The following SAMD4B variants were observed in gnomAD, a reference collection of about 807,000 sequenced individuals.
SAMD4B encodes the protein sterile alpha motif domain containing 4B.
In SAMD4B, 5 loss-of-function variants were observed where a neutral mutation model predicts 74.5. The observed-to-expected ratio is 0.07, with a 90% CI of 0.04 to 0.14. SAMD4B has a LOEUF of 0.14. Among genes scored for constraint, SAMD4B ranks in the 10% least tolerant of loss-of-function variants. The probability of loss-of-function intolerance (pLI) is 1.00; values close to 1 mark genes in which losing one functional copy is unlikely to be tolerated. For synonymous variants in SAMD4B, 373 were observed against 374.9 expected, an observed-to-expected ratio of 1.00 and a Z score of 0.06; for missense variants, 608 against 921.8, an observed-to-expected ratio of 0.66 and a Z score of 4.41.
rs781708201 is a variant in SAMD4B at position 39,383,459 on chromosome 19, A to G, written c.2057-40A>G. 1.2e-6 allele frequency: 2 copies of G among 1,609,810 alleles called. No homozygotes were observed. Among genetic ancestry groups the G allele is most frequent in the Non-Finnish European group, 1.7e-6 (2 of 1,176,126 alleles). On this transcript the variant is annotated intron_variant, in intron 13 of 13. Transcript: ENST00000610417. The surrounding 1 kb of genome is among the most constrained non-coding windows in gnomAD (Gnocchi z 4.1). ...AGTGCCTTTTCTTGGGCCTCCCTCC[A>G]GCTCCTGATCTTCCTCCCTTCCTCC...
In SAMD4B at chr19:39,380,070, C is replaced by T. The variant is rs2077863824; in HGVS notation, c.1635C>T (p.Tyr545=). The T allele has an allele frequency of 1.2e-6, 2 of 1,613,272 alleles. No homozygotes were observed. Among genetic ancestry groups the T allele is most frequent in the East Asian group, 2.2e-5 (1 of 44,880 alleles). The change falls in exon 10 of 14, where the codon TAC becomes TAT. Residue 545 remains tyrosine, a synonymous_variant. Transcript: ENST00000610417. ...AAGCCGCACTAGAGATGCAGAACTA[C>T]CGGCAGCAGAAAGGGTAGGCGGGTG... The part of the protein sequence containing the change: ...PRKAALEMQN[Y]RQQKGWAFGS...
intron 3 of SAMD4B, among the ~76,000 whole-genome samples, chr19:39,365,730 G>A (rs2076924523): frequency 6.6e-6 from 1 of 152,214 alleles, no homozygotes; most frequent in South Asian, 2.1e-4. Flanking sequence ...TTTTAGCATA[G>A]TGTCTGGCAC....
chr19:39,382,404 A>G lies in SAMD4B; in HGVS notation c.1973-804A>G, dbSNP rs180846195. Among the ~76,000 whole-genome samples, 23 of 152,302 alleles carry G rather than the reference A, an allele frequency of 1.5e-4. No homozygotes were observed. In the East Asian group the frequency reaches 3.7e-3, roughly 24 times the overall value. On this transcript the variant is annotated intron_variant, in intron 12 of 13. Coordinates refer to ENST00000610417, the MANE Select transcript of SAMD4B (RefSeq NM_001384574.2). ...CGCTGATGTTATTCATCAGTCAGCAATCTGAGACAGGTCTTGCCCAAGTTC... is the reference window on the plus strand; with the variant it reads ...CGCTGATGTTATTCATCAGTCAGCAGTCTGAGACAGGTCTTGCCCAAGTTC...
chr19:39,353,379 C>A (rs890557480), intron 1 of SAMD4B, among the ~76,000 whole-genome samples: 2 of 152,172 alleles, frequency 1.3e-5, no homozygotes, highest in Admixed American at 1.3e-4. Context: ...TGTTAATAAT[C>A]CCCCTGTTTC....
chr19:39,360,984 G>A (rs1054716918), intron 3 of SAMD4B, among the ~76,000 whole-genome samples: 5 of 152,114 alleles, frequency 3.3e-5, no homozygotes, highest in African/African-American at 1.2e-4. Context: ...CCCAAGAGTT[G>A]TAGATCCAGC....
downstream of SAMD4B, chr19:39,390,308 A>T: frequency 6.2e-7 from 1 of 1,606,338 alleles, no homozygotes. Context: ...GAAGAAAGAA[A>T]CAGTGATAGG....
downstream of SAMD4B, chr19:39,388,717 A>G (rs755936910): frequency 4.4e-6 from 7 of 1,608,104 alleles, no homozygotes; most frequent in Admixed American, 8.3e-5. Context: ...TGTGAGGACA[A>G]GAGGCAGCAA....
In SAMD4B at chr19:39,378,634, C is replaced by T. The variant is rs565421033; in HGVS notation, c.1530+45C>T. The T allele has an allele frequency of 3.4e-5, 53 of 1,567,790 alleles. No individual in the cohort carries two copies. The highest frequency in any genetic ancestry group is 4.5e-5 in the East Asian group (2 of 44,502). On this transcript the variant is annotated intron_variant, in intron 9 of 13. Transcript: ENST00000610417. The surrounding 1 kb of genome is among the most constrained non-coding windows in gnomAD (Gnocchi z 4.4). ...ACTCAAAAAGGGAAAGGCGGCCAGG[C>T]GTGGTGGTTCACGCCTGTAGTCCCA... is the stretch of plus-strand genomic sequence containing the variant.
intron 1 of SAMD4B, among the ~76,000 whole-genome samples, chr19:39,352,934 CCTT>C (rs1471810602): frequency 6.6e-6 from 1 of 152,082 alleles, no homozygotes; most frequent in Non-Finnish European, 1.5e-5. Context: ...AGTAACATGT[CCTT>C]CTATCTTATG....
intron 10 of SAMD4B, among the ~76,000 whole-genome samples, 166 bp from the exon 11 acceptor site, chr19:39,380,421 G>A (rs2077892090): frequency 6.6e-6 from 1 of 152,220 alleles, no homozygotes; most frequent in African/African-American, 2.4e-5. Flanking sequence ...CCTTGTACAT[G>A]TCCCATCTCC....
intron 12 of SAMD4B, 175 bp downstream of exon 12, chr19:39,381,288 T>G: frequency 1.5e-6 from 1 of 687,210 alleles, no homozygotes; most frequent in East Asian, 3.0e-5. Context: ...CCTCCTCTGC[T>G]TCAATTTTAT....
intron 3 of SAMD4B, among the ~76,000 whole-genome samples, chr19:39,360,430 T>G (rs2076582226): frequency 6.6e-6 from 1 of 152,106 alleles, no homozygotes; most frequent in Non-Finnish European, 1.5e-5. Flanking sequence ...AAGCTGGTAC[T>G]TAAATGGGTG....
chr19:39,385,679 A>C lies in SAMD4B; in HGVS notation c.*2152A>C. On this transcript the variant is annotated 3_prime_UTR_variant, in exon 14 of 14. Coordinates refer to ENST00000610417, the MANE Select transcript of SAMD4B (RefSeq NM_001384574.2). ...GGTCTGGGCTTATTTTGGAAAAAAA[A>C]AAAACAAACAAAAAAAACGAATTCT... 1 of 537,730 alleles carries C rather than the reference A, an allele frequency of 1.9e-6. No individual in the cohort carries two copies. Among genetic ancestry groups the C allele is most frequent in the Non-Finnish European group, 3.3e-6 (1 of 306,600 alleles). The allele number at this position is 537,730 out of a possible 1,614,324, so 33.3% of individuals were successfully genotyped here. A position where few individuals can be genotyped will look rare whatever the true frequency, so the allele number is the denominator to read the frequency against.
chr19:39,365,242 TAA>T (rs57136164), intron 3 of SAMD4B, among the ~76,000 whole-genome samples: 1,539 of 90,824 alleles, frequency 0.017, 9 homozygotes, highest in Non-Finnish European at 0.027. Flanking sequence ...CGAGACTCCG[TAA>T]AAAAAAAAAA....
At chr19:39,360,943 G>A (rs1022254718) in intron 3 of SAMD4B, among the ~76,000 whole-genome samples, 1 of 152,092 alleles carries the variant, frequency 6.6e-6, no homozygotes, top group Non-Finnish European at 1.5e-5. Flanking sequence ...ATGCCCTGCT[G>A]GATGATTCAT....
intron 4 of SAMD4B, among the ~76,000 whole-genome samples, chr19:39,371,848 G>A (rs975406325): frequency 6.6e-6 from 1 of 151,670 alleles, no homozygotes; most frequent in African/African-American, 2.4e-5. Flanking sequence ...CACATCGAGT[G>A]CTTAGTCTTT....
In SAMD4B at chr19:39,348,849, G is replaced by A. The variant is rs1027232287; in HGVS notation, c.-266-5157G>A. 4.4e-4 allele frequency among the ~76,000 whole-genome samples: 67 copies of A among 152,126 alleles called. 4 individuals carry two copies. The highest frequency in any genetic ancestry group is 1.5e-5 in the Non-Finnish European group (1 of 68,032). On this transcript the variant is annotated intron_variant, in intron 1 of 13. Transcript: ENST00000610417. ...GTAGAGAAGCAGATATATTTTGGGT[G>A]TACAGAAAACAGGACTTGATGATGG...
At chr19:39,367,701 C>T (rs1477401431) in intron 3 of SAMD4B, among the ~76,000 whole-genome samples, 1 of 150,746 alleles carries the variant, frequency 6.6e-6, no homozygotes, top group African/African-American at 2.4e-5. Context: ...TAGAGACAGG[C>T]TTTCACCATG....
chr19:39,355,575 G>A (rs79468986), intron 2 of SAMD4B, among the ~76,000 whole-genome samples: 1,670 of 152,286 alleles, frequency 0.011, 37 homozygotes, highest in African/African-American at 0.037. Context: ...AATGTGGTTT[G>A]AGGATAGAGC....
Sources: gnomAD v4.1 joint callset for allele counts (sites outside exome capture counted in the v4.1 genomes callset) on GRCh38, gnomAD v4.1.1 for gene constraint, Gnocchi (gnomAD v3.1) non-coding constraint, MANE v1.5 for transcripts, NCBI Gene and HGNC (gene_info 2026-07-23, HGNC 2026-07-21) for gene names.